DAG1: variants seen among roughly 807,000 people sequenced by gnomAD.
DAG1 encodes the protein dystroglycan 1 (dystrophin-associated glycoprotein 1).
A neutral mutation model predicts 46.1 loss-of-function variants in DAG1; 8 were observed. The observed-to-expected ratio is 0.17, with a 90% confidence interval of 0.10 to 0.31. The LOEUF (loss-of-function observed/expected upper bound fraction) is 0.31, where lower values mean the gene tolerates loss of function less well. Ranked by LOEUF, DAG1 falls within the 10% of genes least tolerant of loss-of-function variation. The probability of loss-of-function intolerance (pLI) is 1.00; values close to 1 mark genes in which losing one functional copy is unlikely to be tolerated. For missense variants in DAG1, 1,003 were observed against 1,189.9 expected, an observed-to-expected ratio of 0.84 and a Z score of 2.31; for synonymous variants, 495 against 481.8, an observed-to-expected ratio of 1.03 and a Z score of -0.36.
intron 2 of DAG1, among the ~76,000 whole-genome samples, chr3:49,512,639 G>T (rs1164022087): frequency 6.6e-6 from 1 of 150,790 alleles, no homozygotes; most frequent in Non-Finnish European, 1.5e-5. Flanking sequence ...TGATCTGTCT[G>T]CCTCAGCCTC....
intron 1 of DAG1, among the ~76,000 whole-genome samples, chr3:49,495,413 G>A (rs974134086): frequency 3.3e-5 from 5 of 152,204 alleles, no homozygotes; most frequent in African/African-American, 1.2e-4. Flanking sequence ...CTCACACCTA[G>A]CACAGGGTAG....
At chr3:49,479,599 G>T (rs1291612657) in intron 1 of DAG1, among the ~76,000 whole-genome samples, 1 of 143,604 alleles carries the variant, frequency 7.0e-6, no homozygotes, top group African/African-American at 2.6e-5. Flanking sequence ...TGGGATTCAG[G>T]CCCCTGCGCC....
chr3:49,497,607 G>C lies in DAG1; in HGVS notation c.-116-12812G>C, dbSNP rs1051794885. Reference sequence around the variant, plus strand: ...ACCCTGGGGGATAGATTGAGAGACTGTCTCTCAAAAAAAAAATAAAAATAA... The same window carrying C: ...ACCCTGGGGGATAGATTGAGAGACTCTCTCTCAAAAAAAAAATAAAAATAA... On this transcript the variant is annotated intron_variant, in intron 1 of 2. Transcript: ENST00000308775. Among the ~76,000 whole-genome samples, 12 of 151,582 alleles carry C rather than the reference G, an allele frequency of 7.9e-5. No homozygotes were observed. The South Asian group carries it at 1.9e-3, about 24-fold the overall frequency.
chr3:49,526,198 C>G (rs532759165), intron 2 of DAG1, among the ~76,000 whole-genome samples: 2 of 152,296 alleles, frequency 1.3e-5, no homozygotes, highest in African/African-American at 2.4e-5. Context: ...GTCATGAGAA[C>G]AGCACTAGGG....
chr3:49,495,553 C>T (rs1419867116), intron 1 of DAG1, among the ~76,000 whole-genome samples: 1 of 152,106 alleles, frequency 6.6e-6, no homozygotes, highest in Admixed American at 6.6e-5. Context: ...TTGGATTCTG[C>T]TGAGGCTGGC....
intron 1 of DAG1, among the ~76,000 whole-genome samples, chr3:49,489,025 C>G (rs2050111824): frequency 6.6e-6 from 1 of 151,916 alleles, no homozygotes. Context: ...ACCTGAGGAC[C>G]TGGGAAGGAG....
chr3:49,533,421 T>G lies in DAG1; in HGVS notation c.*222T>G. The G allele has an allele frequency of 1.4e-6, 1 of 732,046 alleles. No homozygotes were observed. Among genetic ancestry groups the G allele is most frequent in the South Asian group, 1.5e-5 (1 of 67,460 alleles). 45.3% of individuals were successfully genotyped at this position (732,046 alleles called of 1,614,324 possible). A position where few individuals can be genotyped will look rare whatever the true frequency, so the allele number is the denominator to read the frequency against. On this transcript the variant is annotated 3_prime_UTR_variant, in exon 3 of 3. Coordinates refer to ENST00000308775, the MANE Select transcript of DAG1 (RefSeq NM_004393.6). ...GACTTTTTTATTTTTATTTTTTGCC[T>G]AACAGCTTTTGGTTTGTTCATAGAG... is the stretch of plus-strand genomic sequence containing the variant.
At chr3:49,478,273 C>CA (rs71278644) in intron 1 of DAG1, among the ~76,000 whole-genome samples, 44,267 of 89,484 alleles carry the variant, frequency 0.49, 10,164 homozygotes, top group East Asian at 0.92. Flanking sequence ...GACTCTGTCT[C>CA]AAAAAAAAAA....
intron 2 of DAG1, among the ~76,000 whole-genome samples, chr3:49,522,275 G>A (rs988121982): frequency 2.0e-5 from 3 of 150,838 alleles, no homozygotes; most frequent in South Asian, 2.1e-4. Context: ...CAGGTGATCC[G>A]CTCACCTCAG....
chr3:49,491,650 G>A (rs956580397), intron 1 of DAG1, among the ~76,000 whole-genome samples: 1 of 151,890 alleles, frequency 6.6e-6, no homozygotes, highest in Non-Finnish European at 1.5e-5. Flanking sequence ...CTAATTTTTT[G>A]TATTTTTAGT....
chr3:49,501,919 C>T (rs747082391), intron 1 of DAG1, among the ~76,000 whole-genome samples: 4 of 152,180 alleles, frequency 2.6e-5, no homozygotes, highest in Admixed American at 6.5e-5. Flanking sequence ...TGGCTCACGC[C>T]TGTTCCCAAC....
chr3:49,489,318 C>T (rs1163231732), intron 1 of DAG1, among the ~76,000 whole-genome samples: 1 of 152,108 alleles, frequency 6.6e-6, no homozygotes, highest in Non-Finnish European at 1.5e-5. Flanking sequence ...TCTCGAACTC[C>T]CGACCTCAGG....
chr3:49,478,639 A>G (rs1331351840), intron 1 of DAG1, among the ~76,000 whole-genome samples: 1 of 150,272 alleles, frequency 6.7e-6, no homozygotes, highest in African/African-American at 2.5e-5. Flanking sequence ...GAGCCTCACA[A>G]ACTGCTGGAT....
In DAG1 at chr3:49,532,950, C is replaced by T. The variant is rs1322089640; in HGVS notation, c.2439C>T (p.Ser813=). ...ACGACTCCAAGCCCCCACCCTCCTC[C>T]AGCATGCCACTCATTCTGCAGGAGG... ...ELDDSKPPPS[S]SMPLILQEEK... The change falls in exon 3 of 3, where the codon TCC becomes TCT. Residue 813 remains serine (S), a synonymous_variant. Transcript: ENST00000308775. The surrounding 1 kb of genome is among the most constrained non-coding windows in gnomAD (Gnocchi z 5.4). The T allele has an allele frequency of 1.2e-6, 2 of 1,614,128 alleles. No individual in the cohort carries two copies. Among genetic ancestry groups the T allele is most frequent in the East Asian group, 2.2e-5 (1 of 44,874 alleles).
chr3:49,477,093 G>A (rs781429161), intron 1 of DAG1, among the ~76,000 whole-genome samples: 3 of 152,206 alleles, frequency 2.0e-5, no homozygotes, highest in Admixed American at 1.3e-4. Flanking sequence ...TGCCTCCCGG[G>A]TTCAAGCAAT....
chr3:49,471,631 G>A (rs1025448115), intron 1 of DAG1, among the ~76,000 whole-genome samples: 2 of 152,176 alleles, frequency 1.3e-5, no homozygotes, highest in African/African-American at 4.8e-5. Flanking sequence ...GATCCATCAT[G>A]TGAAGACCCT....
chr3:49,531,960 C>T lies in DAG1; in HGVS notation c.1449C>T (p.Thr483=). The T allele has an allele frequency of 1.2e-6, 2 of 1,614,236 alleles. No individual in the cohort carries two copies. Among genetic ancestry groups the T allele is most frequent in the Non-Finnish European group, 1.7e-6 (2 of 1,180,048 alleles). The change falls in exon 3 of 3, where the codon ACC becomes ACT. Residue 483 remains threonine, a synonymous_variant. Transcript: ENST00000308775. This position sits in a 1 kb window ranked among gnomAD's most constrained non-coding sequence, Gnocchi z 7.0. ...TASPPTRIRT[T]TSGVPRGGEP... Reference sequence around the variant, plus strand: ...CACCGCCTACTCGTATTCGCACCACCACCAGTGGAGTGCCCCGTGGCGGAG... The same window carrying T: ...CACCGCCTACTCGTATTCGCACCACTACCAGTGGAGTGCCCCGTGGCGGAG...
chr3:49,500,058 TCCG>T (rs2050405229), intron 1 of DAG1, among the ~76,000 whole-genome samples: 4 of 12,590 alleles, frequency 3.2e-4, no homozygotes, highest in South Asian at 0.013. Context: ...CACTGTAGCC[TCCG>T]CTTCCCGGGT....
rs1349161206 is a variant in DAG1 at position 49,534,184 on chromosome 3, ATTG to A, written c.*988_*990del. 7 of 149,416 alleles carry A rather than the reference ATTG, an allele frequency of 4.7e-5. No individual in the cohort carries two copies. The highest frequency in any genetic ancestry group is 7.4e-5 in the Non-Finnish European group (5 of 67,382). The allele number at this position is 149,416 out of a possible 1,614,324, so 9.3% of individuals were successfully genotyped here. ...ATTTTGTTTTACCCTTTTTCTGTGC[ATTG>A]TTTTTTTTTTTCCTCCTAAAAGGAA... On this transcript the variant is annotated 3_prime_UTR_variant, in exon 3 of 3. Transcript: ENST00000308775.
Sources: allele counts gnomAD v4.1 joint callset (sites outside exome capture counted in the v4.1 genomes callset), GRCh38; gene constraint gnomAD v4.1.1; non-coding constraint Gnocchi (gnomAD v3.1); transcripts MANE v1.5; gene names NCBI Gene and HGNC (gene_info 2026-07-23, HGNC 2026-07-21).